Variants in HDAC9 observed in about 807,000 individuals in gnomAD.
The protein encoded by HDAC9 is histone deacetylase 9, also known as MEF-2 interacting transcription repressor (MITR) protein.
A neutral mutation model predicts 139.4 loss-of-function variants in HDAC9; 41 were observed. The observed-to-expected ratio is 0.29, with a 90% CI of 0.23 to 0.38. HDAC9 has a LOEUF of 0.38. Ranked by LOEUF, HDAC9 falls within the 10% of genes least tolerant of loss-of-function variation. HDAC9 has a pLI of 1.00. For missense variants in HDAC9, 1,147 were observed against 1,297.0 expected (o/e 0.88, Z 1.78); for synonymous variants, 517 against 476.2 (o/e 1.09, Z -1.12).
chr7:18,109,246 AT>A (rs1002159962), intron 1 of HDAC9, among the ~76,000 whole-genome samples: 2 of 152,146 alleles, frequency 1.3e-5, no homozygotes, highest in Non-Finnish European at 2.9e-5. Context: ...CAGGTTAAGC[AT>A]TTTTTCCCCC....
intron 1 of HDAC9, among the ~76,000 whole-genome samples, chr7:18,409,060 G>A (rs1788281422): frequency 6.6e-6 from 1 of 152,068 alleles, no homozygotes; most frequent in South Asian, 2.1e-4. Flanking sequence ...TTACTTGTTG[G>A]TGACTTTTGA....
intron 1 of HDAC9, among the ~76,000 whole-genome samples, chr7:18,156,116 C>G (rs533101136): frequency 6.6e-6 from 1 of 152,188 alleles, no homozygotes; most frequent in Admixed American, 6.5e-5. Flanking sequence ...ATCCCATGTT[C>G]CCCTGTCTTC....
intron 1 of HDAC9, among the ~76,000 whole-genome samples, chr7:18,321,212 A>G (rs1385527479): frequency 6.6e-6 from 1 of 152,102 alleles, no homozygotes; most frequent in Admixed American, 6.5e-5. Context: ...TAGTATTTAC[A>G]ACTACTTTTT....
chr7:18,265,982 G>A (rs1273582549), intron 2 of HDAC9, among the ~76,000 whole-genome samples: 1 of 152,110 alleles, frequency 6.6e-6, no homozygotes, highest in Non-Finnish European at 1.5e-5. Flanking sequence ...CAATGTAGAA[G>A]CTGACACCAT....
chr7:18,406,832 T>C (rs554317497), intron 1 of HDAC9, among the ~76,000 whole-genome samples: 8 of 152,154 alleles, frequency 5.3e-5, no homozygotes, highest in Non-Finnish European at 1.0e-4. Context: ...TCTCTCTTTT[T>C]CTAGTTATTA....
At chr7:18,270,736 G>T (rs963270175) in intron 2 of HDAC9, among the ~76,000 whole-genome samples, 1 of 152,004 alleles carries the variant, frequency 6.6e-6, no homozygotes, top group African/African-American at 2.4e-5. Flanking sequence ...TACATTTTAT[G>T]TGCACCTTCT....
At chr7:18,926,718 T>G (rs1317802272) in intron 22 of HDAC9, among the ~76,000 whole-genome samples, 1 of 152,200 alleles carries the variant, frequency 6.6e-6, no homozygotes, top group African/African-American at 2.4e-5. Flanking sequence ...CAGGAATTTC[T>G]GAGGATCAAT....
At chr7:18,607,487 C>CA (rs1324123960) in intron 6 of HDAC9, among the ~76,000 whole-genome samples, 1 of 152,058 alleles carries the variant, frequency 6.6e-6, no homozygotes, top group Non-Finnish European at 1.5e-5. Context: ...TTATTGTAAG[C>CA]AAAAATATAC....
intron 1 of HDAC9, among the ~76,000 whole-genome samples, chr7:18,115,472 A>C (rs1783919007): frequency 6.6e-6 from 1 of 152,230 alleles, no homozygotes; most frequent in Non-Finnish European, 1.5e-5. Context: ...TATTTGCAAA[A>C]TTACATTCCA....
intron 2 of HDAC9, among the ~76,000 whole-genome samples, chr7:18,535,164 A>C (rs954295985): frequency 6.6e-6 from 1 of 152,000 alleles, no homozygotes; most frequent in African/African-American, 2.4e-5. Context: ...CATTCTTGTC[A>C]TCTCTTCCCT....
At chr7:18,825,450 G>T (rs1795348551) in intron 17 of HDAC9, among the ~76,000 whole-genome samples, 1 of 152,094 alleles carries the variant, frequency 6.6e-6, no homozygotes, top group Non-Finnish European at 1.5e-5. Flanking sequence ...TGAAAGTTTA[G>T]GGCCAGAAGG....
chr7:18,332,521 G>A (rs550583533), intron 1 of HDAC9, among the ~76,000 whole-genome samples: 6 of 151,500 alleles, frequency 4.0e-5, no homozygotes, highest in East Asian at 1.9e-4. Context: ...AGTATATTCC[G>A]TAATTGGTCC....
intron 16 of HDAC9, among the ~76,000 whole-genome samples, chr7:18,789,286 G>GCACACACACACACACA (rs34385627): frequency 6.7e-6 from 1 of 148,396 alleles, no homozygotes; most frequent in African/African-American, 2.5e-5. Context: ...ACACATACAC[G>GCACACACACACACACA]CACACACACA....
chr7:18,882,006 A>C (rs1287051813), intron 22 of HDAC9, among the ~76,000 whole-genome samples: 1 of 152,108 alleles, frequency 6.6e-6, no homozygotes, highest in African/African-American at 2.4e-5. Flanking sequence ...TGTCTTATCC[A>C]GCTACCATCA....
intron 1 of HDAC9, among the ~76,000 whole-genome samples, chr7:18,148,525 T>C (rs1301743638): frequency 1.3e-5 from 2 of 152,146 alleles, no homozygotes; most frequent in Non-Finnish European, 2.9e-5. Context: ...GGTGTGATCT[T>C]GGCTAACTGC....
intron 12 of HDAC9, among the ~76,000 whole-genome samples, chr7:18,719,032 A>T (rs951863946): frequency 6.6e-6 from 1 of 152,214 alleles, no homozygotes; most frequent in African/African-American, 2.4e-5. Context: ...TGAAGTGAGC[A>T]TCTATTCACA....
At chr7:18,146,873 G>A (rs1207038411) in intron 1 of HDAC9, among the ~76,000 whole-genome samples, 1 of 152,074 alleles carries the variant, frequency 6.6e-6, no homozygotes, top group Admixed American at 6.5e-5. Flanking sequence ...TAATGCCCTG[G>A]GGGCGTTAGA....
At chr7:18,663,702 T>C (rs1236020577) in intron 11 of HDAC9, among the ~76,000 whole-genome samples, 3 of 152,142 alleles carry the variant, frequency 2.0e-5, no homozygotes, top group Non-Finnish European at 4.4e-5. Flanking sequence ...TTTTCAGCTG[T>C]GCTGTGTTAG....
chr7:18,682,690 T>C (rs1433451064), intron 12 of HDAC9, among the ~76,000 whole-genome samples: 2 of 152,014 alleles, frequency 1.3e-5, no homozygotes, highest in Non-Finnish European at 2.9e-5. Flanking sequence ...TGAAATCAAA[T>C]TAATCGTGAG....
Sources: allele counts gnomAD v4.1 joint callset (sites outside exome capture counted in the v4.1 genomes callset), GRCh38; gene constraint gnomAD v4.1.1; transcripts MANE v1.5; gene names NCBI Gene and HGNC (gene_info 2026-07-23, HGNC 2026-07-21).